Variants in MECOM observed in about 807,000 individuals in gnomAD.
MECOM encodes the protein MDS1 and EVI1 complex locus, also known as histone-lysine N-methyltransferase MECOM.
In MECOM, 13 loss-of-function variants were observed where a neutral mutation model predicts 116.3. The observed-to-expected ratio is 0.11, with a 90% CI of 0.07 to 0.18. The LOEUF (loss-of-function observed/expected upper bound fraction) is 0.18, where lower values mean the gene tolerates loss of function less well. MECOM is among the 10% of genes least tolerant of loss of function. The pLI, the probability that MECOM is intolerant of heterozygous loss-of-function variation, is 1.00. For synonymous variants in MECOM, 528 were observed against 535.2 expected (o/e 0.99, Z 0.19); for missense variants, 1,299 against 1,509.0 (o/e 0.86, Z 2.31).
chr3:169,322,031 A>T (rs559388142), intron 2 of MECOM, among the ~76,000 whole-genome samples: 4 of 152,192 alleles, frequency 2.6e-5, no homozygotes, highest in Non-Finnish European at 5.9e-5. Context: ...CTTTGCTTAC[A>T]TAATCTTACA....
intron 2 of MECOM, among the ~76,000 whole-genome samples, chr3:169,194,509 T>C (rs1235333633): frequency 1.3e-5 from 2 of 152,020 alleles, no homozygotes; most frequent in African/African-American, 4.8e-5. Flanking sequence ...AAAAAGCTTG[T>C]TTGTAAACAT....
chr3:169,633,700 C>T lies in MECOM; in HGVS notation c.37+29636G>A, dbSNP rs180763913. On this transcript the variant is annotated intron_variant, in intron 1 of 16. Coordinates refer to ENST00000651503, the MANE Select transcript of MECOM (RefSeq NM_004991.4). ...ATGTCAGGGACCTCAGCCCCTTGTG[C>T]AGTGATCTGGTCTCATCGTGCCTTG... 7.4e-4 allele frequency among the ~76,000 whole-genome samples: 113 copies of T among 152,190 alleles called. 1 individual carries two copies. The highest frequency in any genetic ancestry group is 2.6e-3 in the African/African-American group (107 of 41,528).
At chr3:169,201,283 G>A (rs956385050) in intron 2 of MECOM, among the ~76,000 whole-genome samples, 5 of 139,314 alleles carry the variant, frequency 3.6e-5, no homozygotes, top group Non-Finnish European at 7.9e-5. Flanking sequence ...GTGTGTGTGT[G>A]TAGACAAAAT....
At chr3:169,120,897 A>G in intron 7 of MECOM, 159 bp downstream of exon 7, 1 of 637,790 alleles carries the variant, frequency 1.6e-6, no homozygotes, top group Non-Finnish European at 2.4e-6. Flanking sequence ...ATCTGATTAT[A>G]AAAGATTTAC....
intron 2 of MECOM, among the ~76,000 whole-genome samples, chr3:169,200,620 G>T (rs187953230): frequency 2.0e-5 from 3 of 152,094 alleles, no homozygotes; most frequent in Non-Finnish European, 4.4e-5. Context: ...TTAGTTTGGA[G>T]TCTAGGCAAA....
chr3:169,461,063 CT>C (rs926504865), intron 1 of MECOM, among the ~76,000 whole-genome samples: 12 of 151,322 alleles, frequency 7.9e-5, no homozygotes, highest in African/African-American at 1.7e-4. Flanking sequence ...CCAATGTTTT[CT>C]TTTTTTTTCT....
chr3:169,507,902 T>C (rs55641330), intron 1 of MECOM, among the ~76,000 whole-genome samples: 25,293 of 151,310 alleles, frequency 0.17, 2,278 homozygotes, highest in East Asian at 0.32. Flanking sequence ...CCTTGCGATC[T>C]GCCCGCCTCG....
At chr3:169,126,507 C>A (rs1458322299) in intron 5 of MECOM, among the ~76,000 whole-genome samples, 3 of 151,784 alleles carry the variant, frequency 2.0e-5, no homozygotes, top group African/African-American at 7.3e-5. Context: ...TATTACAAAT[C>A]CACACTTTAC....
intron 1 of MECOM, among the ~76,000 whole-genome samples, chr3:169,446,070 T>A (rs1183353533): frequency 6.6e-6 from 1 of 152,172 alleles, no homozygotes; most frequent in Non-Finnish European, 1.5e-5. Context: ...CAGATGAGAC[T>A]TTGGACTGTG....
At chr3:169,385,100 T>A (rs1276932421) in intron 1 of MECOM, among the ~76,000 whole-genome samples, 1 of 116,214 alleles carries the variant, frequency 8.6e-6, no homozygotes, top group South Asian at 2.8e-4. Flanking sequence ...TAAGACCCTG[T>A]CTCAAAAAAA....
intron 2 of MECOM, among the ~76,000 whole-genome samples, chr3:169,240,009 A>T (rs1270146828): frequency 6.6e-6 from 1 of 152,202 alleles, no homozygotes; most frequent in East Asian, 1.9e-4. Context: ...TCCTGTCTAC[A>T]TTTTCATAAA....
intron 1 of MECOM, among the ~76,000 whole-genome samples, chr3:169,433,524 A>G (rs1262909107): frequency 1.3e-5 from 2 of 150,810 alleles, no homozygotes; most frequent in Non-Finnish European, 3.0e-5. Flanking sequence ...AAAGACAAAC[A>G]GACAGACAGA....
intron 1 of MECOM, among the ~76,000 whole-genome samples, chr3:169,628,052 AC>A (rs556151942): frequency 6.6e-6 from 1 of 152,240 alleles, no homozygotes; most frequent in Middle Eastern, 3.4e-3. Flanking sequence ...ACCAAAGAGC[AC>A]CCCCAGAGAG....
chr3:169,315,159 G>GTTCTGAGCCAGCTGACAGGGCTTTCCCA (rs1719513198), intron 2 of MECOM, among the ~76,000 whole-genome samples: 1 of 152,184 alleles, frequency 6.6e-6, no homozygotes, highest in South Asian at 2.1e-4. Flanking sequence ...AATAGGGTGG[G>GTTCTGAGCCAGCTGACAGGGCTTTCCCA]TTCTGAGCCA....
chr3:169,635,241 A>G (rs190145289), intron 1 of MECOM, among the ~76,000 whole-genome samples: 39 of 152,364 alleles, frequency 2.6e-4, no homozygotes, highest in Non-Finnish European at 5.1e-4. Context: ...TCTAACTCAT[A>G]GGACTATTGC....
chr3:169,390,776 G>C (rs1319690945), intron 1 of MECOM, among the ~76,000 whole-genome samples: 1 of 152,098 alleles, frequency 6.6e-6, no homozygotes, highest in East Asian at 1.9e-4. Context: ...CCAAAGGAGA[G>C]ACCAAAACTC....
intron 1 of MECOM, among the ~76,000 whole-genome samples, chr3:169,614,226 A>C (rs1769693136): frequency 6.6e-6 from 1 of 151,444 alleles, no homozygotes; most frequent in Non-Finnish European, 1.5e-5. Context: ...CCAGGATAAA[A>C]ATATATCTCT....
intron 1 of MECOM, among the ~76,000 whole-genome samples, chr3:169,431,097 A>G (rs1167915957): frequency 6.6e-6 from 1 of 152,210 alleles, no homozygotes; most frequent in African/African-American, 2.4e-5. Context: ...CAAATGTCCT[A>G]TAAAGACATA....
intron 2 of MECOM, among the ~76,000 whole-genome samples, chr3:169,245,214 TATA>T (rs1391148187): frequency 6.6e-6 from 1 of 152,120 alleles, no homozygotes; most frequent in Admixed American, 6.5e-5. Flanking sequence ...AAAGGGGAAA[TATA>T]ATATTATTAA....
Sources: allele counts gnomAD v4.1 joint callset (sites outside exome capture counted in the v4.1 genomes callset), GRCh38; gene constraint gnomAD v4.1.1; transcripts MANE v1.5; gene names NCBI Gene and HGNC (gene_info 2026-07-23, HGNC 2026-07-21).